RERE: variants seen among roughly 807,000 people sequenced by gnomAD.
RERE encodes arginine-glutamic acid dipeptide repeats, also known as arginine-glutamic acid dipeptide repeats protein.
Under a neutral mutation model 146.1 loss-of-function variants are expected in RERE, and 40 were observed. The ratio of observed to expected loss-of-function variants is 0.27; its 90% CI spans 0.21 to 0.36. The LOEUF (loss-of-function observed/expected upper bound fraction) is 0.36. RERE is among the 10% of genes least tolerant of loss of function. The pLI, the probability that RERE is intolerant of heterozygous loss-of-function variation, is 1.00. For synonymous variants in RERE, 1,003 were observed against 866.0 expected, an observed-to-expected ratio of 1.16 and a Z score of -2.78; for missense variants, 1,933 against 2,138.7, an observed-to-expected ratio of 0.90 and a Z score of 1.90.
intron 11 of RERE, among the ~76,000 whole-genome samples, chr1:8,464,702 T>C (rs80137032): frequency 2.0e-5 from 3 of 152,320 alleles, no homozygotes; most frequent in Non-Finnish European, 4.4e-5. Flanking sequence ...TCCAAAAGGC[T>C]GCCTTCCTCA....
At chr1:8,744,559 T>C (rs1264748211) in intron 1 of RERE, among the ~76,000 whole-genome samples, 1 of 152,208 alleles carries the variant, frequency 6.6e-6, no homozygotes, top group Non-Finnish European at 1.5e-5. Flanking sequence ...AGAAAAAGTA[T>C]ACCAACCAGT....
At chr1:8,802,714 T>G (rs1282033001) in intron 1 of RERE, among the ~76,000 whole-genome samples, 1 of 152,202 alleles carries the variant, frequency 6.6e-6, no homozygotes, top group Admixed American at 6.5e-5. Context: ...AAAATCATCA[T>G]GGGCACAATC....
At chr1:8,747,786 A>T (rs1640451019) in intron 1 of RERE, among the ~76,000 whole-genome samples, 1 of 151,974 alleles carries the variant, frequency 6.6e-6, no homozygotes, top group East Asian at 1.9e-4. Flanking sequence ...GAGTAGGTAT[A>T]TTTGAGACAG....
chr1:8,399,806 T>TTA (rs894619019), intron 12 of RERE, among the ~76,000 whole-genome samples: 2 of 149,112 alleles, frequency 1.3e-5, no homozygotes, highest in African/African-American at 4.9e-5. Context: ...TGTCTTTTTT[T>TTA]AAAAAAAAAA....
At chr1:8,464,657 C>T (rs961182008) in intron 11 of RERE, among the ~76,000 whole-genome samples, 2 of 152,198 alleles carry the variant, frequency 1.3e-5, no homozygotes, top group Non-Finnish European at 2.9e-5. Context: ...ACATGCCAAG[C>T]ATGCTTTCAC....
rs749874309 is a variant in RERE at position 8,361,203 on chromosome 1, G to A, written c.2304C>T (p.Pro768=). 3.3e-6 allele frequency: 5 copies of A among 1,498,236 alleles called. No individual in the cohort carries two copies. The Admixed American group carries it at 1.2e-4, about 35-fold the overall frequency. The allele number at this position is 1,498,236 out of a possible 1,614,324, so 92.8% of individuals were successfully genotyped here. A position where few individuals can be genotyped will look rare whatever the true frequency, so the allele number is the denominator to read the frequency against. Residue 768 remains proline (P), a synonymous_variant, in exon 18 of 23, where the codon CCC becomes CCT. Transcript: ENST00000400908. The part of the protein sequence containing the change: ...TPQLPTPGPT[P]SATAVPPQGS... ...CCTGTGGGGGAACTGCAGTGGCAGA[G>A]GGCGTGGGCCCTGGCGTGGGCAGCT...
intron 1 of RERE, among the ~76,000 whole-genome samples, chr1:8,708,786 A>G (rs1186039964): frequency 1.3e-5 from 2 of 151,694 alleles, no homozygotes; most frequent in Middle Eastern, 3.2e-3. Context: ...AGTCTCTGGT[A>G]TGTCTTTATC....
At chr1:8,637,576 A>C (rs964265323) in intron 2 of RERE, among the ~76,000 whole-genome samples, 1 of 152,238 alleles carries the variant, frequency 6.6e-6, no homozygotes, top group Admixed American at 6.5e-5. Context: ...TATTAGAAGG[A>C]CGATATCCTC....
chr1:8,646,976 G>A (rs949854188), intron 2 of RERE, among the ~76,000 whole-genome samples: 2 of 152,144 alleles, frequency 1.3e-5, no homozygotes, highest in African/African-American at 4.8e-5. Flanking sequence ...CAATTAGCCA[G>A]GCATGGTAAT....
chr1:8,557,592 G>T, intron 4 of RERE, 69 bp from the exon 5 acceptor site: 2 of 970,924 alleles, frequency 2.1e-6, no homozygotes, highest in South Asian at 2.6e-5. Flanking sequence ...TCATACCCAT[G>T]ACCAAAAGCC....
At chr1:8,589,854 G>A (rs1051442644) in intron 4 of RERE, among the ~76,000 whole-genome samples, 5 of 152,168 alleles carry the variant, frequency 3.3e-5, no homozygotes, top group East Asian at 1.9e-4. Flanking sequence ...AACTGGTTCC[G>A]ACCACGAATC....
rs563400695 is a variant in RERE, at chr1:8,763,045, C to T, written c.-145+54115G>A. Reference sequence around the variant, plus strand: ...GTAAGCTTAAAAAAGAAAACAGTGACTCAGAAATTTCCTATCTGCAATATA... The same window carrying T: ...GTAAGCTTAAAAAAGAAAACAGTGATTCAGAAATTTCCTATCTGCAATATA... On this transcript the variant is annotated intron_variant, in intron 1 of 22. Coordinates refer to ENST00000400908, the MANE Select transcript of RERE (RefSeq NM_001042681.2). Among the ~76,000 whole-genome samples, 4 of 152,216 alleles carry T rather than the reference C, an allele frequency of 2.6e-5. No individual in the cohort carries two copies. The South Asian group carries it at 8.3e-4, about 32-fold the overall frequency.
intron 1 of RERE, among the ~76,000 whole-genome samples, chr1:8,771,909 CAAA>C (rs768264978): frequency 1.7e-5 from 1 of 59,438 alleles, no homozygotes; most frequent in Non-Finnish European, 3.6e-5. Context: ...GACTCTGTCT[CAAA>C]AAAAAAAAAA....
chr1:8,423,755 T>G lies in RERE; in HGVS notation c.1204-948A>C. ...GCGCGGGGCCCGGGGGGCGCGGGGC[T>G]GGGGCCGCCGCTGACGGGGGAGGAG... is the stretch of plus-strand genomic sequence containing the variant. On this transcript the variant is annotated intron_variant, in intron 11 of 22. Transcript: ENST00000400908. The surrounding 1 kb of genome is among the most constrained non-coding windows in gnomAD (Gnocchi z 5.4). 1.1e-6 allele frequency: 1 copy of G among 916,234 alleles called. No homozygotes were observed. Among genetic ancestry groups the G allele is most frequent in the African/African-American group, 1.8e-5 (1 of 55,100 alleles). 56.8% of individuals were successfully genotyped at this position (916,234 alleles called of 1,614,324 possible).
intron 3 of RERE, among the ~76,000 whole-genome samples, chr1:8,620,627 C>T (rs1018109318): frequency 9.2e-5 from 14 of 152,042 alleles, no homozygotes; most frequent in African/African-American, 3.1e-4. Flanking sequence ...ACTGTCATTC[C>T]GTATTACTAG....
intron 2 of RERE, among the ~76,000 whole-genome samples, chr1:8,635,871 C>T (rs1403994843): frequency 1.3e-5 from 2 of 152,214 alleles, no homozygotes; most frequent in Non-Finnish European, 2.9e-5. Flanking sequence ...AAACACTGTC[C>T]TTCCCTTGAC....
chr1:8,362,206 C>A (rs879559497), intron 16 of RERE, among the ~76,000 whole-genome samples: 1 of 152,218 alleles, frequency 6.6e-6, no homozygotes, highest in Non-Finnish European at 1.5e-5. Context: ...ACAGTGGAAC[C>A]ACTGTTTAAA....
intron 12 of RERE, among the ~76,000 whole-genome samples, chr1:8,381,308 C>T (rs965663877): frequency 3.9e-5 from 6 of 152,154 alleles, no homozygotes; most frequent in African/African-American, 1.4e-4. Flanking sequence ...CCACTCTAAA[C>T]CTTGTAACCT....
At chr1:8,580,950 T>C (rs1036778508) in intron 4 of RERE, among the ~76,000 whole-genome samples, 4 of 152,120 alleles carry the variant, frequency 2.6e-5, no homozygotes, top group African/African-American at 4.8e-5. Flanking sequence ...CCTCCTCCCA[T>C]CTCAGGCTCC....
Sources: gnomAD v4.1 joint callset for allele counts (sites outside exome capture counted in the v4.1 genomes callset) on GRCh38, gnomAD v4.1.1 for gene constraint, Gnocchi (gnomAD v3.1) non-coding constraint, MANE v1.5 for transcripts, NCBI Gene and HGNC (gene_info 2026-07-23, HGNC 2026-07-21) for gene names.